GRIK1: variants seen among roughly 807,000 people sequenced by gnomAD.
The protein encoded by GRIK1 is glutamate receptor ionotropic, kainate 1.
Under a neutral mutation model 105.7 loss-of-function variants are expected in GRIK1, and 69 were observed. The ratio of observed to expected loss-of-function variants is 0.65; its 90% CI spans 0.54 to 0.80. GRIK1 has a LOEUF of 0.80. GRIK1 is among the 30% of genes least tolerant of loss of function. GRIK1 has a pLI of 0.00. For missense variants in GRIK1, 1,109 were observed against 1,167.3 expected (o/e 0.95, Z 0.73); for synonymous variants, 438 against 431.3 (o/e 1.02, Z -0.19).
chr21:29,816,704 A>G (rs766133766), intron 1 of GRIK1, among the ~76,000 whole-genome samples: 3 of 152,118 alleles, frequency 2.0e-5, no homozygotes, highest in Non-Finnish European at 4.4e-5. Flanking sequence ...AAAGTCAAAC[A>G]TTGCATGTTC....
intron 16 of GRIK1, among the ~76,000 whole-genome samples, chr21:29,552,698 T>C (rs183525443): frequency 1.4e-5 from 2 of 144,848 alleles, no homozygotes; most frequent in Admixed American, 1.4e-4. Flanking sequence ...TAAATAGAAA[T>C]GAATTAGTAC....
At chr21:29,724,159 G>C (rs1343465174) in intron 1 of GRIK1, among the ~76,000 whole-genome samples, 1 of 152,184 alleles carries the variant, frequency 6.6e-6, no homozygotes, top group African/African-American at 2.4e-5. Context: ...CGATCCTCGT[G>C]GCCAAGTAAT....
intron 10 of GRIK1, 97 bp downstream of exon 10, chr21:29,591,015 A>G (rs1254978714): frequency 2.6e-6 from 2 of 773,892 alleles, no homozygotes; most frequent in Non-Finnish European, 4.8e-6. Flanking sequence ...ACATTTGCAG[A>G]CAGAAGCGTT....
Position 29,939,656 on chromosome 21 carries a change from T to A in GRIK1, c.-156A>T, listed in dbSNP as rs565611478. On this transcript the variant is annotated 5_prime_UTR_variant, in exon 1 of 18. Coordinates refer to ENST00000327783, the MANE Select transcript of GRIK1 (RefSeq NM_001330994.2). ...CGGAGCGAGCTCGAGGGAACCCGCGTGGGACCGCGGAGCTGGCTGGCAAGG... is the reference window on the plus strand; with the variant it reads ...CGGAGCGAGCTCGAGGGAACCCGCGAGGGACCGCGGAGCTGGCTGGCAAGG... The A allele has an allele frequency of 1.6e-4, 85 of 536,180 alleles. 1 individual carries two copies. The highest frequency in any genetic ancestry group is 1.4e-3 in the African/African-American group (71 of 49,812). 33.2% of individuals were successfully genotyped at this position (536,180 alleles called of 1,614,324 possible).
intron 1 of GRIK1, among the ~76,000 whole-genome samples, chr21:29,742,796 C>T (rs576226192): frequency 6.6e-6 from 1 of 152,290 alleles, no homozygotes; most frequent in South Asian, 2.1e-4. Context: ...TCTGAGGTTA[C>T]ATTTTTCCAA....
intron 1 of GRIK1, among the ~76,000 whole-genome samples, chr21:29,873,172 A>G (rs2069078815): frequency 6.6e-6 from 1 of 152,202 alleles, no homozygotes; most frequent in Non-Finnish European, 1.5e-5. Flanking sequence ...CCTGAAATGG[A>G]CTATTTGGAA....
Position 29,623,886 on chromosome 21 carries a change from G to T in GRIK1, c.1098+18940C>A, listed in dbSNP as rs369941626. ...ATGCCAAAGTAATCTTTCATAGAGA[G>T]AATTTCATTTATTGTCTTTATTTTT... On this transcript the variant is annotated intron_variant, in intron 7 of 17. Transcript: ENST00000327783. Among the ~76,000 whole-genome samples, 6 of 152,162 alleles carry T rather than the reference G, an allele frequency of 3.9e-5. No individual in the cohort carries two copies. In the East Asian group the frequency reaches 7.7e-4, roughly 19 times the overall value.
At chr21:29,621,286 A>G (rs2061995734) in intron 7 of GRIK1, among the ~76,000 whole-genome samples, 1 of 152,098 alleles carries the variant, frequency 6.6e-6, no homozygotes, top group African/African-American at 2.4e-5. Flanking sequence ...ACACATAGGA[A>G]CTGGTAGGAA....
intron 4 of GRIK1, among the ~76,000 whole-genome samples, chr21:29,663,118 G>T (rs1367436931): frequency 6.6e-6 from 1 of 152,190 alleles, no homozygotes; most frequent in Non-Finnish European, 1.5e-5. Context: ...TAGAGATAAA[G>T]CATAGTTATA....
At chr21:29,936,223 G>A (rs936258441) in intron 1 of GRIK1, among the ~76,000 whole-genome samples, 2 of 152,052 alleles carry the variant, frequency 1.3e-5, no homozygotes, top group Non-Finnish European at 2.9e-5. Flanking sequence ...TTTTCACCAT[G>A]ACCTCTATAA....
chr21:29,840,425 T>C (rs1281804179), intron 1 of GRIK1, among the ~76,000 whole-genome samples: 1 of 152,158 alleles, frequency 6.6e-6, no homozygotes, highest in Non-Finnish European at 1.5e-5. Flanking sequence ...AATAGCTTTG[T>C]CTTTCATATT....
At position 29,564,216 on chromosome 21, in the gene GRIK1, C is replaced by A. The variant is rs369604915; in HGVS notation, c.2131-2367G>T. ...AGGCTGGAGTGCAGTGGCGCAATCT[C>A]GGCTCACTGCAAGCTCCGCCTCCCG... On this transcript the variant is annotated intron_variant, in intron 14 of 17. Coordinates refer to ENST00000327783, the MANE Select transcript of GRIK1 (RefSeq NM_001330994.2). Among the ~76,000 whole-genome samples the A allele has an allele frequency of 5.9e-4, 89 of 152,078 alleles. No individual in the cohort carries two copies. In the East Asian group the frequency reaches 0.016, roughly 27 times the overall value.
In GRIK1 at chr21:29,658,296, C is replaced by G. The variant is rs941747385; in HGVS notation, c.727-3433G>C. On this transcript the variant is annotated intron_variant, in intron 4 of 17. Transcript: ENST00000327783. ...TATTTATTTTTGAAAGAGTCTCATT[C>G]TGTCGCCCCAGGCTATAGCGCACTG... 3.4e-4 allele frequency among the ~76,000 whole-genome samples: 52 copies of G among 152,078 alleles called. 1 individual carries two copies. Among genetic ancestry groups the G allele is most frequent in the Non-Finnish European group, 1.5e-4 (10 of 68,016 alleles).
At chr21:29,669,530 C>A (rs149387184) in intron 4 of GRIK1, among the ~76,000 whole-genome samples, 1 of 152,130 alleles carries the variant, frequency 6.6e-6, no homozygotes, top group African/African-American at 2.4e-5. Context: ...TGCTTGGGGG[C>A]CCTTCAGAGT....
intron 16 of GRIK1, among the ~76,000 whole-genome samples, chr21:29,538,427 G>A (rs767645120): frequency 5.3e-5 from 8 of 152,060 alleles, no homozygotes; most frequent in Non-Finnish European, 7.4e-5. Context: ...AAGGGAAATG[G>A]GGGCAGTTGC....
intron 1 of GRIK1, among the ~76,000 whole-genome samples, chr21:29,865,275 A>G (rs2068765654): frequency 1.4e-5 from 2 of 147,866 alleles, no homozygotes; most frequent in Non-Finnish European, 1.5e-5. Context: ...TTCAGACATA[A>G]CTGTGATTAT....
intron 5 of GRIK1, among the ~76,000 whole-genome samples, chr21:29,652,679 A>G (rs1472824832): frequency 6.6e-6 from 1 of 152,266 alleles, no homozygotes; most frequent in Non-Finnish European, 1.5e-5. Context: ...TTAAAAATAC[A>G]TCATTAAAAT....
chr21:29,732,810 A>G (rs1406460235), intron 1 of GRIK1, among the ~76,000 whole-genome samples: 1 of 152,194 alleles, frequency 6.6e-6, no homozygotes, highest in Non-Finnish European at 1.5e-5. Flanking sequence ...TGAGATTAAT[A>G]TATTCCTTTA....
chr21:29,819,963 G>A (rs904995318), intron 1 of GRIK1, among the ~76,000 whole-genome samples: 2 of 151,920 alleles, frequency 1.3e-5, no homozygotes, highest in East Asian at 3.9e-4. Context: ...TGAAGCAGAG[G>A]CTAGGCGTTC....
Sources: gnomAD v4.1 joint callset for allele counts (sites outside exome capture counted in the v4.1 genomes callset) on GRCh38, gnomAD v4.1.1 for gene constraint, MANE v1.5 for transcripts, NCBI Gene and HGNC (gene_info 2026-07-23, HGNC 2026-07-21) for gene names.